The following ARHGAP35 variants were observed in gnomAD, a reference collection of about 807,000 sequenced individuals.
The protein encoded by ARHGAP35 is Rho GTPase activating protein 35, also known as rho GTPase-activating protein 35.
Under a neutral mutation model 111.1 loss-of-function variants are expected in ARHGAP35, and 15 were observed. The observed-to-expected ratio is 0.13, with a 90% CI of 0.09 to 0.21. The LOEUF (loss-of-function observed/expected upper bound fraction) is 0.21. Among genes scored for constraint, ARHGAP35 ranks in the 10% least tolerant of loss-of-function variants. The probability of loss-of-function intolerance (pLI) is 1.00; values close to 1 mark genes in which losing one functional copy is unlikely to be tolerated. For synonymous variants in ARHGAP35, 643 were observed against 710.3 expected (o/e 0.91, Z 1.51); for missense variants, 1,262 against 1,873.0 (o/e 0.67, Z 6.02).
intron 1 of ARHGAP35, among the ~76,000 whole-genome samples, chr19:46,881,511 A>C (rs571062133): frequency 1.3e-5 from 2 of 152,306 alleles, no homozygotes; most frequent in Admixed American, 1.3e-4. Flanking sequence ...AATGAGCAGT[A>C]ATATTTTGAG....
At chr19:46,879,809 G>A (rs1250442388) in intron 1 of ARHGAP35, among the ~76,000 whole-genome samples, 1 of 148,110 alleles carries the variant, frequency 6.8e-6, no homozygotes, top group African/African-American at 2.5e-5. Flanking sequence ...AAAATCGCTG[G>A]GTGCAGTGGC....
Position 46,986,866 on chromosome 19 carries a change from T to G in ARHGAP35, c.3827-1123T>G, listed in dbSNP as rs146746327. The stretch of plus-strand genomic sequence containing the variant: ...ATTTTCAGACAGAGTTTTGCTCTTG[T>G]TGCCCAGGCTGGAGTGCAGTGGCAC... On this transcript the variant is annotated intron_variant, in intron 3 of 6. Transcript: ENST00000672722. The surrounding 1 kb of genome is among the most constrained non-coding windows in gnomAD (Gnocchi z 4.3). Among the ~76,000 whole-genome samples, 1 of 152,254 alleles carries G rather than the reference T, an allele frequency of 6.6e-6. No homozygotes were observed. The highest frequency in any genetic ancestry group is 1.5e-5 in the Non-Finnish European group (1 of 68,044).
At chr19:46,917,940 C>G (rs1457027092) in intron 1 of ARHGAP35, among the ~76,000 whole-genome samples, 1 of 152,204 alleles carries the variant, frequency 6.6e-6, no homozygotes, top group Non-Finnish European at 1.5e-5. Context: ...TCTTGAACTC[C>G]TGACCTCAGG....
intron 1 of ARHGAP35, among the ~76,000 whole-genome samples, chr19:46,878,155 G>C (rs2055936913): frequency 6.6e-6 from 1 of 151,886 alleles, no homozygotes. Context: ...TGAGCAGCTG[G>C]AACTACAGAT....
rs1307445126 is a variant in ARHGAP35, at chr19:46,999,153, G to T, written c.4037-151G>T. 2 of 614,936 alleles carry T rather than the reference G, an allele frequency of 3.3e-6. No individual in the cohort carries two copies. Among genetic ancestry groups the T allele is most frequent in the African/African-American group, 1.8e-5 (1 of 54,072 alleles). The allele number at this position is 614,936 out of a possible 1,614,324, so 38.1% of individuals were successfully genotyped here. ...GCCAGTGCCACTGCCAGGTGTGCCAGCCTTGGGCACAGGCTTTGGGGGAAA... is the reference window on the plus strand; with the variant it reads ...GCCAGTGCCACTGCCAGGTGTGCCATCCTTGGGCACAGGCTTTGGGGGAAA... On this transcript the variant is annotated intron_variant, in intron 5 of 6. Coordinates refer to ENST00000672722, the MANE Select transcript of ARHGAP35 (RefSeq NM_004491.5). This position sits in a 1 kb window ranked among gnomAD's most constrained non-coding sequence, Gnocchi z 5.4.
In ARHGAP35 at chr19:46,994,148, G is replaced by C. The variant is rs1346094689; in HGVS notation, c.4036+4473G>C. On this transcript the variant is annotated intron_variant, in intron 5 of 6. Transcript: ENST00000672722. The surrounding 1 kb of genome is among the most constrained non-coding windows in gnomAD (Gnocchi z 5.4). ...AGCCACCCTGGGCACCTGTACCATG[G>C]CGGGTCCGGGTTGCAGCAGCTCACC... Among the ~76,000 whole-genome samples the C allele has an allele frequency of 3.3e-5, 5 of 152,156 alleles. 1 individual carries two copies. The South Asian group carries it at 6.2e-4, about 19-fold the overall frequency.
chr19:46,965,424 C>G (rs1353261447), intron 3 of ARHGAP35, among the ~76,000 whole-genome samples: 1 of 152,130 alleles, frequency 6.6e-6, no homozygotes, highest in Non-Finnish European at 1.5e-5. Context: ...GCTTTAATAG[C>G]TGGTAAAATT....
intron 3 of ARHGAP35, among the ~76,000 whole-genome samples, chr19:46,951,952 A>T (rs1278415655): frequency 6.6e-6 from 1 of 152,228 alleles, no homozygotes; most frequent in Admixed American, 6.5e-5. Context: ...TTAAGAGAGG[A>T]TGCTTAAATG....
intron 2 of ARHGAP35, among the ~76,000 whole-genome samples, chr19:46,934,810 T>C (rs1263090316): frequency 6.6e-6 from 1 of 152,074 alleles, no homozygotes; most frequent in Non-Finnish European, 1.5e-5. Flanking sequence ...TCTGGGACTA[T>C]AGGTGTGCGC....
rs181673806 is a variant in ARHGAP35 at position 46,945,738 on chromosome 19, T to A, written c.3826+8330T>A. Among the ~76,000 whole-genome samples, 1 of 152,218 alleles carries A rather than the reference T, an allele frequency of 6.6e-6. No homozygotes were observed. Among genetic ancestry groups the A allele is most frequent in the Non-Finnish European group, 1.5e-5 (1 of 68,034 alleles). On this transcript the variant is annotated intron_variant, in intron 3 of 6. Coordinates refer to ENST00000672722, the MANE Select transcript of ARHGAP35 (RefSeq NM_004491.5). This position sits in a 1 kb window ranked among gnomAD's most constrained non-coding sequence, Gnocchi z 4.1. Reference sequence around the variant, plus strand: ...CCAGCCTCTCCTCAGCCTCACTTGCTATTTAACTAGAAATAGCATTCTCTA... The same window carrying A: ...CCAGCCTCTCCTCAGCCTCACTTGCAATTTAACTAGAAATAGCATTCTCTA...
At chr19:46,950,222 G>A (rs756122590) in intron 3 of ARHGAP35, among the ~76,000 whole-genome samples, 7 of 152,164 alleles carry the variant, frequency 4.6e-5, no homozygotes, top group African/African-American at 1.2e-4. Flanking sequence ...GATTAAATCC[G>A]TAAATTCATC....
chr19:46,895,446 T>C (rs2056049361), intron 1 of ARHGAP35, among the ~76,000 whole-genome samples: 1 of 152,188 alleles, frequency 6.6e-6, no homozygotes, highest in Non-Finnish European at 1.5e-5. Context: ...ATTACAGGCG[T>C]GAGCCACCGC....
chr19:46,867,664 C>T (rs1040985332), intron 1 of ARHGAP35, among the ~76,000 whole-genome samples: 5 of 152,148 alleles, frequency 3.3e-5, no homozygotes, highest in African/African-American at 1.2e-4. Context: ...CTTATATTAT[C>T]TTTGATTTCC....
At chr19:46,910,345 C>G (rs1350853230) in intron 1 of ARHGAP35, among the ~76,000 whole-genome samples, 1 of 151,934 alleles carries the variant, frequency 6.6e-6, no homozygotes, top group Non-Finnish European at 1.5e-5. Flanking sequence ...GGCTGAAGTA[C>G]AGAAGTGTGA....
intron 5 of ARHGAP35, among the ~76,000 whole-genome samples, chr19:46,998,195 C>T (rs1599875260): frequency 6.6e-6 from 1 of 152,182 alleles, no homozygotes; most frequent in Non-Finnish European, 1.5e-5. Flanking sequence ...CATATGTCTC[C>T]GGCCGAGACG....
intron 2 of ARHGAP35, among the ~76,000 whole-genome samples, chr19:46,936,369 C>CA (rs530873511): frequency 3.2e-4 from 49 of 151,844 alleles, no homozygotes; most frequent in African/African-American, 9.2e-4. Context: ...GAAAAATAGA[C>CA]AAAAAAAATA....
In ARHGAP35 at chr19:46,891,968, C is replaced by A. The variant is rs180765753; in HGVS notation, c.-188-26520C>A. Among the ~76,000 whole-genome samples, 91 of 151,352 alleles carry A rather than the reference C, an allele frequency of 6.0e-4. 1 individual carries two copies. The highest frequency in any genetic ancestry group is 2.8e-3 in the Admixed American group (42 of 15,198). ...CCAGCCTGGGCAACGTGATGAAATCCTGTCTTTACCGAAAATACAAAAATT... is the reference window on the plus strand; with the variant it reads ...CCAGCCTGGGCAACGTGATGAAATCATGTCTTTACCGAAAATACAAAAATT... On this transcript the variant is annotated intron_variant, in intron 1 of 6. Transcript: ENST00000672722.
At chr19:46,873,271 T>C (rs2055897432) in intron 1 of ARHGAP35, among the ~76,000 whole-genome samples, 1 of 152,186 alleles carries the variant, frequency 6.6e-6, no homozygotes. Context: ...GGTGGATAGA[T>C]AGAGCTGAAC....
chr19:46,928,588 C>T (rs964957557), intron 2 of ARHGAP35, among the ~76,000 whole-genome samples: 1 of 151,842 alleles, frequency 6.6e-6, no homozygotes, highest in South Asian at 2.1e-4. Flanking sequence ...GTTGTCTTCT[C>T]GGGGGGGTGG....
Sources: gnomAD v4.1 joint callset for allele counts (sites outside exome capture counted in the v4.1 genomes callset) on GRCh38, gnomAD v4.1.1 for gene constraint, Gnocchi (gnomAD v3.1) non-coding constraint, MANE v1.5 for transcripts, NCBI Gene and HGNC (gene_info 2026-07-23, HGNC 2026-07-21) for gene names.